Variants in XPR1 observed in about 807,000 individuals in gnomAD.
XPR1 encodes xenotropic and polytropic retrovirus receptor 1.
Under a neutral mutation model 87.5 loss-of-function variants are expected in XPR1, and 28 were observed. That is an observed-to-expected ratio of 0.32 (90% confidence interval 0.24 to 0.44). XPR1 has a LOEUF of 0.44. XPR1 is among the 20% of genes least tolerant of loss of function. The pLI, the probability that XPR1 is intolerant of heterozygous loss-of-function variation, is 1.00. For missense variants in XPR1, 559 were observed against 862.3 expected, an observed-to-expected ratio of 0.65 and a Z score of 4.41; for synonymous variants, 300 against 306.1, an observed-to-expected ratio of 0.98 and a Z score of 0.21.
intron 1 of XPR1, among the ~76,000 whole-genome samples, chr1:180,663,592 G>A (rs113719150): frequency 1.4e-4 from 22 of 152,312 alleles, no homozygotes; most frequent in African/African-American, 2.9e-4. Context: ...GGTCAGACCC[G>A]AAGCTAGCGC....
intron 2 of XPR1, among the ~76,000 whole-genome samples, chr1:180,748,041 A>G (rs185896132): frequency 9.6e-4 from 146 of 152,366 alleles, no homozygotes; most frequent in Non-Finnish European, 1.5e-3. Context: ...ACTATAAATT[A>G]TATCTTTGAT....
intron 9 of XPR1, among the ~76,000 whole-genome samples, chr1:180,831,362 C>CTTTTTCTTTT (rs1553252332): frequency 1.7e-5 from 2 of 115,496 alleles, no homozygotes; most frequent in African/African-American, 6.2e-5. Context: ...TTTTCTTTTT[C>CTTTTTCTTTT]TTTTTTTTTT....
intron 2 of XPR1, among the ~76,000 whole-genome samples, chr1:180,706,125 C>T (rs1376954357): frequency 6.6e-6 from 1 of 152,142 alleles, no homozygotes; most frequent in Non-Finnish European, 1.5e-5. Context: ...GCCAGCTTCC[C>T]AAGGAGCTTA....
At chr1:180,664,825 G>A (rs1420335470) in intron 1 of XPR1, among the ~76,000 whole-genome samples, 1 of 152,136 alleles carries the variant, frequency 6.6e-6, no homozygotes, top group Non-Finnish European at 1.5e-5. Context: ...AAGAGAAATG[G>A]TTTCCGGATG....
At chr1:180,787,241 C>T (rs1445133261) in intron 2 of XPR1, among the ~76,000 whole-genome samples, 3 of 151,118 alleles carry the variant, frequency 2.0e-5, no homozygotes, top group Non-Finnish European at 4.4e-5. Flanking sequence ...AAGTCTCATT[C>T]ACTTAAAGAA....
At chr1:180,697,639 G>T (rs928468028) in intron 2 of XPR1, among the ~76,000 whole-genome samples, 2 of 151,922 alleles carry the variant, frequency 1.3e-5, no homozygotes, top group African/African-American at 4.8e-5. Context: ...GTTTGGGTAT[G>T]TTGTGGTTCT....
intron 3 of XPR1, among the ~76,000 whole-genome samples, chr1:180,801,733 G>T (rs1418899650): frequency 1.3e-5 from 2 of 151,628 alleles, no homozygotes; most frequent in African/African-American, 4.8e-5. Flanking sequence ...ATAATTCTTT[G>T]TTATTATTAT....
chr1:180,878,620 G>A (rs778056845), intron 13 of XPR1, among the ~76,000 whole-genome samples: 1 of 152,086 alleles, frequency 6.6e-6, no homozygotes, highest in Non-Finnish European at 1.5e-5. Flanking sequence ...CTCATCCAAG[G>A]TCATTACAGC....
In XPR1 at chr1:180,888,406, T is replaced by G. The variant is rs1226484576; in HGVS notation, c.*4340T>G. On this transcript the variant is annotated 3_prime_UTR_variant, in exon 15 of 15. Coordinates refer to ENST00000367590, the MANE Select transcript of XPR1 (RefSeq NM_004736.4). The stretch of plus-strand genomic sequence containing the variant: ...CAAGTACCTCTTACTGTATAACATT[T>G]GAGTTTTTAAAATTGAGATAGCTTC... 8.0e-6 allele frequency: 1 copy of G among 125,260 alleles called. No homozygotes were observed. The highest frequency in any genetic ancestry group is 2.7e-4 in the South Asian group (1 of 3,736). The allele number at this position is 125,260 out of a possible 1,614,324, so 7.8% of individuals were successfully genotyped here.
rs190348571 is a variant in XPR1, at chr1:180,659,393, T to G, written c.70-22967T>G. ...CGTCCGTCCTTCCGTCCTTCCTTCC[T>G]TCCTTCCTTCCTTCCTTCCTTCCTT... On this transcript the variant is annotated intron_variant, in intron 1 of 14. Transcript: ENST00000367590. 9.6e-3 allele frequency among the ~76,000 whole-genome samples: 560 copies of G among 58,404 alleles called. 6 individuals are homozygous for G. Among genetic ancestry groups the G allele is most frequent in the African/African-American group, 0.056 (386 of 6,920 alleles). 38.3% of individuals were successfully genotyped at this position (58,404 alleles called of 152,430 possible). A position where few individuals can be genotyped will look rare whatever the true frequency, so the allele number is the denominator to read the frequency against.
At chr1:180,772,058 AT>A (rs1184933667) in intron 2 of XPR1, among the ~76,000 whole-genome samples, 1 of 152,154 alleles carries the variant, frequency 6.6e-6, no homozygotes, top group East Asian at 1.9e-4. Context: ...AATTAGAATT[AT>A]TCTATAAGGA....
At chr1:180,765,493 A>G (rs1352298131) in intron 2 of XPR1, among the ~76,000 whole-genome samples, 1 of 152,174 alleles carries the variant, frequency 6.6e-6, no homozygotes, top group Non-Finnish European at 1.5e-5. Flanking sequence ...ATCTACAACT[A>G]CTTTCAAATA....
intron 9 of XPR1, among the ~76,000 whole-genome samples, chr1:180,829,079 C>G (rs959199924): frequency 6.6e-6 from 1 of 151,968 alleles, no homozygotes; most frequent in Non-Finnish European, 1.5e-5. Context: ...ATCTGTAGCC[C>G]CAGTTACTTG....
chr1:180,679,169 T>A (rs1162248897), intron 1 of XPR1, among the ~76,000 whole-genome samples: 1 of 152,058 alleles, frequency 6.6e-6, no homozygotes, highest in East Asian at 1.9e-4. Flanking sequence ...CACTCCAGCC[T>A]GGGTGACAGA....
At chr1:180,681,887 A>G (rs1037634778) in intron 1 of XPR1, among the ~76,000 whole-genome samples, 1 of 152,210 alleles carries the variant, frequency 6.6e-6, no homozygotes, top group African/African-American at 2.4e-5. Flanking sequence ...ATGGTTGCAC[A>G]ACAATGTGAA....
chr1:180,680,697 C>T (rs1242428619), intron 1 of XPR1, among the ~76,000 whole-genome samples: 1 of 152,082 alleles, frequency 6.6e-6, no homozygotes, highest in East Asian at 1.9e-4. Context: ...AATCAGCAAT[C>T]CCACTACTGG....
At chr1:180,814,704 T>C (rs1451758077) in intron 7 of XPR1, among the ~76,000 whole-genome samples, 1 of 152,178 alleles carries the variant, frequency 6.6e-6, no homozygotes, top group Non-Finnish European at 1.5e-5. Context: ...TTAAGGCATA[T>C]ATTAAAGCAA....
intron 2 of XPR1, among the ~76,000 whole-genome samples, chr1:180,727,802 C>T (rs1054618626): frequency 1.3e-5 from 2 of 152,162 alleles, no homozygotes; most frequent in Non-Finnish European, 2.9e-5. Context: ...ATTCATGCCT[C>T]CTCTTTTTTA....
intron 2 of XPR1, among the ~76,000 whole-genome samples, chr1:180,719,933 A>G: frequency 6.6e-6 from 1 of 152,218 alleles, no homozygotes. Context: ...ATAAGATTGG[A>G]TGGGTATGTT....
Sources: allele counts gnomAD v4.1 joint callset (sites outside exome capture counted in the v4.1 genomes callset), GRCh38; gene constraint gnomAD v4.1.1; transcripts MANE v1.5; gene names NCBI Gene and HGNC (gene_info 2026-07-23, HGNC 2026-07-21).